PLCE1: variants seen among roughly 807,000 people sequenced by gnomAD.
PLCE1 encodes 1-phosphatidylinositol 4,5-bisphosphate phosphodiesterase epsilon-1.
PLCE1 carries 119 observed loss-of-function variants against 242.8 expected under a neutral mutation model. The ratio of observed to expected loss-of-function variants is 0.49; its 90% confidence interval spans 0.42 to 0.57. The LOEUF (loss-of-function observed/expected upper bound fraction) is 0.57, where lower values mean the gene tolerates loss of function less well. Ranked by LOEUF, PLCE1 falls within the 20% of genes least tolerant of loss-of-function variation. The pLI, the probability that PLCE1 is intolerant of heterozygous loss-of-function variation, is 0.00. For missense variants in PLCE1, 2,441 were observed against 2,788.8 expected, an observed-to-expected ratio of 0.88 and a Z score of 2.81; for synonymous variants, 945 against 1,017.4, an observed-to-expected ratio of 0.93 and a Z score of 1.35.
At chr10:94,243,630 A>G (rs1435220712) in intron 7 of PLCE1, among the ~76,000 whole-genome samples, 1 of 152,224 alleles carries the variant, frequency 6.6e-6, no homozygotes, top group African/African-American at 2.4e-5. Flanking sequence ...GTGTATTTGA[A>G]TAATTATCAG....
chr10:94,175,138 T>C (rs2048091778), intron 4 of PLCE1, among the ~76,000 whole-genome samples: 1 of 152,206 alleles, frequency 6.6e-6, no homozygotes, highest in South Asian at 2.1e-4. Flanking sequence ...CAGATCTTTC[T>C]TCAAAGTCTA....
intron 2 of PLCE1, among the ~76,000 whole-genome samples, chr10:94,121,376 G>C (rs1216304470): frequency 6.6e-6 from 1 of 152,192 alleles, no homozygotes; most frequent in Non-Finnish European, 1.5e-5. Flanking sequence ...CCTGAGCATA[G>C]GAGGGGCTCC....
Position 94,245,998 on chromosome 10 carries a change from A to G in PLCE1, c.2473A>G (p.Lys825Glu). The G allele has an allele frequency of 6.2e-7, 1 of 1,614,138 alleles. No homozygotes were observed. Among genetic ancestry groups the G allele is most frequent in the Non-Finnish European group, 8.5e-7 (1 of 1,179,998 alleles). Reference protein sequence around the residue: ...DSDNDIFEQSKEYDSHGSEDS... With the variant: ...DSDNDIFEQSEEYDSHGSEDS... ...AGACAATGACATCTTTGAGCAATCC[A>G]AAGAATACGACTCTCATGGTTCAGA... The change falls in exon 8 of 33, where the codon AAA becomes GAA. Residue 825 changes from lysine to glutamate, a missense_variant. This residue lies in a region of PLCE1 where 733 missense variants were observed against 754.2 expected (regional missense o/e 0.97). Transcript: ENST00000371380.
intron 7 of PLCE1, among the ~76,000 whole-genome samples, chr10:94,239,308 C>T (rs933950486): frequency 1.3e-5 from 2 of 152,160 alleles, no homozygotes; most frequent in African/African-American, 4.8e-5. Flanking sequence ...CGGTTTCTCC[C>T]ATGTGTTCTC....
intron 4 of PLCE1, among the ~76,000 whole-genome samples, chr10:94,179,764 C>T (rs2048249880): frequency 1.3e-5 from 2 of 151,562 alleles, no homozygotes; most frequent in Admixed American, 6.6e-5. Flanking sequence ...CCTTGGCCTC[C>T]CAATGTGCTG....
intron 2 of PLCE1, among the ~76,000 whole-genome samples, chr10:94,078,839 T>A (rs2044577156): frequency 6.6e-6 from 1 of 152,212 alleles, no homozygotes; most frequent in Non-Finnish European, 1.5e-5. Flanking sequence ...TTGCTCTGTT[T>A]CATGCTTAGC....
chr10:94,271,853 C>G (rs7086081), intron 18 of PLCE1, among the ~76,000 whole-genome samples: 11,564 of 152,058 alleles, frequency 0.076, 817 homozygotes, highest in African/African-American at 0.2. Flanking sequence ...CTGCTGGGGG[C>G]GACATCACAT....
At chr10:94,184,870 G>A (rs11187804) in intron 4 of PLCE1, among the ~76,000 whole-genome samples, 16,471 of 151,792 alleles carry the variant, frequency 0.11, 1,855 homozygotes, top group African/African-American at 0.29. Context: ...ATCTCCTTAG[G>A]CTAGAAACTT....
chr10:94,219,301 A>C (rs1195667876), intron 4 of PLCE1, among the ~76,000 whole-genome samples: 1 of 152,208 alleles, frequency 6.6e-6, no homozygotes, highest in Non-Finnish European at 1.5e-5. Flanking sequence ...AAAATAAGAA[A>C]TTGGTGTATG....
chr10:94,165,788 A>ACCT (rs1287329942), intron 3 of PLCE1, among the ~76,000 whole-genome samples: 1 of 150,700 alleles, frequency 6.6e-6, no homozygotes, highest in Non-Finnish European at 1.5e-5. Context: ...GCTCATTGCA[A>ACCT]CCTCCGCCTC....
At chr10:94,195,236 C>G (rs1334050953) in intron 4 of PLCE1, among the ~76,000 whole-genome samples, 1 of 152,100 alleles carries the variant, frequency 6.6e-6, no homozygotes, top group Non-Finnish European at 1.5e-5. Flanking sequence ...CTCTAGCTAC[C>G]CTGCTCTAAC....
At chr10:94,203,921 G>A (rs34534074) in intron 4 of PLCE1, among the ~76,000 whole-genome samples, 103,871 of 151,750 alleles carry the variant, frequency 0.68, 37,027 homozygotes, top group South Asian at 0.81. Flanking sequence ...TCAGGTTTTA[G>A]TCTGAAAGTT....
chr10:94,161,468 G>T (rs1205888065), intron 3 of PLCE1, among the ~76,000 whole-genome samples: 2 of 152,108 alleles, frequency 1.3e-5, no homozygotes, highest in East Asian at 1.9e-4. Flanking sequence ...TCTGTTATTG[G>T]TGTATAAGAA....
rs1026693789 is a variant in PLCE1, at chr10:94,241,235, G to A, written c.2421-4711G>A. Among the ~76,000 whole-genome samples the A allele has an allele frequency of 6.6e-5, 10 of 152,230 alleles. No individual in the cohort carries two copies. In the South Asian group the frequency reaches 1.9e-3, roughly 28 times the overall value. ...ACATCATCTCTGAGCAGCAGAAACA[G>A]GCTCCAGAAAAGCCTTATAATTTTT... On this transcript the variant is annotated intron_variant, in intron 7 of 32. Coordinates refer to ENST00000371380, the MANE Select transcript of PLCE1 (RefSeq NM_016341.4).
intron 16 of PLCE1, among the ~76,000 whole-genome samples, chr10:94,268,103 C>T (rs138013083): frequency 3.9e-5 from 6 of 152,322 alleles, no homozygotes; most frequent in African/African-American, 9.6e-5. Context: ...GAGGTTGCTT[C>T]AAGCAAACTT....
At chr10:94,229,111 G>A (rs1045842896) in intron 5 of PLCE1, among the ~76,000 whole-genome samples, 6 of 151,862 alleles carry the variant, frequency 4.0e-5, no homozygotes, top group Admixed American at 2.6e-4. Context: ...GAACCAGGAG[G>A]TGGAGGTTGC....
chr10:94,273,559 T>C lies in PLCE1; in HGVS notation c.4507-3T>C. 1 of 1,612,952 alleles carries C rather than the reference T, an allele frequency of 6.2e-7. No homozygotes were observed. Among genetic ancestry groups the C allele is most frequent in the Non-Finnish European group, 8.5e-7 (1 of 1,178,974 alleles). On this transcript the variant is annotated splice_polypyrimidine_tract_variant and splice_region_variant and intron_variant, in intron 18 of 32. Transcript: ENST00000371380. ...ATTGTATGTTTTCCTTCATTCTTTT[T>C]AGACTGTGTTTGGAGAAAAGCTGGT...
chr10:94,087,837 A>G (rs2044893361), intron 2 of PLCE1, among the ~76,000 whole-genome samples: 1 of 152,200 alleles, frequency 6.6e-6, no homozygotes, highest in South Asian at 2.1e-4. Context: ...AGCTCTTTTC[A>G]TGTGACGTTT....
intron 4 of PLCE1, among the ~76,000 whole-genome samples, chr10:94,222,804 G>T (rs1040609994): frequency 1.3e-5 from 2 of 152,182 alleles, no homozygotes; most frequent in African/African-American, 4.8e-5. Context: ...AGGCCTAGGG[G>T]TTACAATCTA....
Sources: allele counts gnomAD v4.1 joint callset (sites outside exome capture counted in the v4.1 genomes callset), GRCh38; gene constraint gnomAD v4.1.1; regional missense constraint gnomAD v4.1.1; transcripts MANE v1.5; gene names NCBI Gene and HGNC (gene_info 2026-07-23, HGNC 2026-07-21).